The following CEP128 variants were observed in gnomAD, a reference collection of about 807,000 sequenced individuals.
CEP128 encodes centrosomal protein 128.
CEP128 carries 132 observed loss-of-function variants against 156.7 expected under a neutral mutation model. The observed-to-expected ratio is 0.84, with a 90% CI of 0.73 to 0.97. The LOEUF is 0.97. Ranked by LOEUF, CEP128 falls within the 50% of genes least tolerant of loss-of-function variation. The probability of loss-of-function intolerance (pLI) is 0.00; values close to 1 mark genes in which losing one functional copy is unlikely to be tolerated. For synonymous variants in CEP128, 469 were observed against 448.9 expected (o/e 1.04, Z -0.57); for missense variants, 1,252 against 1,281.9 (o/e 0.98, Z 0.36).
At chr14:80,711,295 T>TTGTGTGTGTGTGTGTGTGTGTGTG (rs138953286) in intron 19 of CEP128, among the ~76,000 whole-genome samples, 3 of 145,740 alleles carry the variant, frequency 2.1e-5, no homozygotes, top group African/African-American at 7.7e-5. Flanking sequence ...TAAGACTATG[T>TTGTGTGTGTGTGTGTGTGTGTGTG]TGTGTGTGTG....
chr14:80,778,716 C>G (rs950336042), intron 15 of CEP128, among the ~76,000 whole-genome samples: 1 of 152,060 alleles, frequency 6.6e-6, no homozygotes, highest in African/African-American at 2.4e-5. Context: ...TAACCAGAAC[C>G]AGCTTTTAAA....
chr14:80,517,498 TATC>T (rs1480147312), intron 23 of CEP128, among the ~76,000 whole-genome samples: 1 of 152,254 alleles, frequency 6.6e-6, no homozygotes, highest in Non-Finnish European at 1.5e-5. Context: ...TTATTTGAAG[TATC>T]ATGTTTAACT....
intron 19 of CEP128, among the ~76,000 whole-genome samples, chr14:80,663,926 A>C (rs1188961627): frequency 6.6e-6 from 1 of 152,142 alleles, no homozygotes; most frequent in African/African-American, 2.4e-5. Flanking sequence ...TCCAGTGCCA[A>C]ATTTATCTGC....
intron 23 of CEP128, among the ~76,000 whole-genome samples, chr14:80,518,898 C>A (rs1869612927): frequency 6.6e-6 from 1 of 152,094 alleles, no homozygotes; most frequent in Non-Finnish European, 1.5e-5. Context: ...ATGCTTTGAA[C>A]AATCAACATA....
At position 80,559,351 on chromosome 14, in the gene CEP128, T is replaced by C. The variant is rs750955439; in HGVS notation, c.2857-49A>G. On this transcript the variant is annotated intron_variant, in intron 20 of 24. Coordinates refer to ENST00000555265, the MANE Select transcript of CEP128 (RefSeq NM_152446.5). ...ATTATAAAACGAAGGCTGTTTAAAA[T>C]TGTTTCAAGTTTACTTAATTTACAA... The C allele has an allele frequency of 1.9e-5, 28 of 1,450,340 alleles. No homozygotes were observed. In the Middle Eastern group the frequency reaches 1.0e-3, roughly 54 times the overall value. The allele number at this position is 1,450,340 out of a possible 1,614,324, so 89.8% of individuals were successfully genotyped here.
At chr14:80,756,612 T>C (rs1161270835) in intron 18 of CEP128, among the ~76,000 whole-genome samples, 1 of 152,222 alleles carries the variant, frequency 6.6e-6, no homozygotes, top group Admixed American at 6.5e-5. Context: ...TTCTTCTGTG[T>C]TCCTTTGTCA....
At chr14:80,940,537 G>A (rs906279197) in intron 1 of CEP128, among the ~76,000 whole-genome samples, 1 of 151,608 alleles carries the variant, frequency 6.6e-6, no homozygotes, top group Non-Finnish European at 1.5e-5. Flanking sequence ...TGTACAGCCA[G>A]GCATGGTGGC....
chr14:80,534,231 T>C (rs36048309), intron 21 of CEP128, among the ~76,000 whole-genome samples: 34,455 of 152,114 alleles, frequency 0.23, 4,182 homozygotes, highest in East Asian at 0.44. Flanking sequence ...TGCAACTTTT[T>C]TTTTTTTAAT....
intron 2 of CEP128, among the ~76,000 whole-genome samples, chr14:80,919,108 A>G (rs1884713230): frequency 1.3e-5 from 2 of 152,218 alleles, no homozygotes; most frequent in Admixed American, 6.5e-5. Context: ...TGAAAAAGAC[A>G]ATGTGCTTAC....
chr14:80,749,195 G>T (rs1899260768), intron 18 of CEP128, among the ~76,000 whole-genome samples: 1 of 152,122 alleles, frequency 6.6e-6, no homozygotes, highest in East Asian at 1.9e-4. Flanking sequence ...ACTCTGCCTG[G>T]TAACCCAAGC....
At chr14:80,710,900 T>C (rs551677455) in intron 19 of CEP128, among the ~76,000 whole-genome samples, 32 of 152,284 alleles carry the variant, frequency 2.1e-4, no homozygotes, top group African/African-American at 7.5e-4. Context: ...AATTGTCCAA[T>C]AGTTTCCTCT....
At position 80,774,782 on chromosome 14, in the gene CEP128, T is replaced by A. The variant is rs327479; in HGVS notation, c.2376+3100A>T. On this transcript the variant is annotated intron_variant, in intron 16 of 24. Transcript: ENST00000555265. ...TCTCCTCAAATATCAAGCATAATTA[T>A]AAAAGTGCCCACCTGTTTGGTTTGC... Among the ~76,000 whole-genome samples the A allele has an allele frequency of 9.1e-3, 1,389 of 152,296 alleles. 24 individuals carry two copies. Among genetic ancestry groups the A allele is most frequent in the African/African-American group, 0.032 (1,325 of 41,566 alleles).
intron 21 of CEP128, among the ~76,000 whole-genome samples, chr14:80,539,774 C>T (rs915133037): frequency 1.3e-5 from 2 of 152,044 alleles, no homozygotes; most frequent in Non-Finnish European, 2.9e-5. Context: ...AGAGATATCG[C>T]CAAGTTCTTT....
In CEP128 at chr14:80,886,194, G is replaced by A. The variant is rs142220442; in HGVS notation, c.645+9524C>T. On this transcript the variant is annotated intron_variant, in intron 8 of 24. Coordinates refer to ENST00000555265, the MANE Select transcript of CEP128 (RefSeq NM_152446.5). ...GTGATGGGGAGAATGAAACCAAGTT[G>A]GGAAACACTCTTCAGGATATTATCC... Among the ~76,000 whole-genome samples the A allele has an allele frequency of 6.2e-3, 942 of 152,152 alleles. 13 individuals carry two copies. Among genetic ancestry groups the A allele is most frequent in the African/African-American group, 0.022 (893 of 41,498 alleles).
intron 13 of CEP128, among the ~76,000 whole-genome samples, chr14:80,799,568 T>A (rs1037070886): frequency 1.3e-5 from 2 of 152,128 alleles, no homozygotes; most frequent in African/African-American, 4.8e-5. Context: ...TAAACGGACA[T>A]GCAAGTAGGG....
chr14:80,899,588 G>A (rs1883411040), intron 7 of CEP128, among the ~76,000 whole-genome samples: 1 of 152,116 alleles, frequency 6.6e-6, no homozygotes, highest in Non-Finnish European at 1.5e-5. Flanking sequence ...CTTTTTTGGT[G>A]TGTGCAATGC....
chr14:80,556,436 TG>T (rs1890439488), intron 21 of CEP128, among the ~76,000 whole-genome samples: 1 of 152,152 alleles, frequency 6.6e-6, no homozygotes, highest in Admixed American at 6.5e-5. Context: ...CAAACATTTC[TG>T]ACAGACCCTG....
At chr14:80,521,077 A>G (rs1262296028) in intron 23 of CEP128, among the ~76,000 whole-genome samples, 4 of 143,490 alleles carry the variant, frequency 2.8e-5, no homozygotes, top group East Asian at 4.1e-4. Flanking sequence ...TCCTGACCTC[A>G]TGATCCACCC....
At chr14:80,572,267 G>A (rs1447947969) in intron 20 of CEP128, among the ~76,000 whole-genome samples, 1 of 152,184 alleles carries the variant, frequency 6.6e-6, no homozygotes, top group Non-Finnish European at 1.5e-5. Flanking sequence ...GGCCTTAGAA[G>A]TGAGAACTAC....
Sources: allele counts gnomAD v4.1 joint callset (sites outside exome capture counted in the v4.1 genomes callset), GRCh38; gene constraint gnomAD v4.1.1; transcripts MANE v1.5; gene names NCBI Gene and HGNC (gene_info 2026-07-23, HGNC 2026-07-21).